DST: variants seen among roughly 807,000 people sequenced by gnomAD.
DST encodes dystonin, also known as bullous pemphigoid antigen.
A neutral mutation model predicts 875.2 loss-of-function variants in DST; 253 were observed. The ratio of observed to expected loss-of-function variants is 0.29; its 90% CI spans 0.26 to 0.32. DST has a LOEUF of 0.32. Ranked by LOEUF, DST falls within the 10% of genes least tolerant of loss-of-function variation. DST has a pLI of 1.00. For synonymous variants in DST, 3,124 were observed against 3,197.1 expected (o/e 0.98, Z 0.77); for missense variants, 8,287 against 9,111.6 (o/e 0.91, Z 3.68).
intron 61 of DST, among the ~76,000 whole-genome samples, chr6:56,537,863 A>G (rs983683222): frequency 6.6e-6 from 1 of 152,230 alleles, no homozygotes; most frequent in Admixed American, 6.5e-5. Flanking sequence ...CATGGTACCT[A>G]GCATGTAATA....
chr6:56,630,785 CTTT>C (rs113335666), intron 30 of DST, among the ~76,000 whole-genome samples: 2 of 143,088 alleles, frequency 1.4e-5, no homozygotes. Flanking sequence ...TAATGTATTT[CTTT>C]TTTTTTTTTT....
At chr6:56,871,775 GT>G (rs372236624) in intron 3 of DST, 22 of 85,802 alleles carry the variant, frequency 2.6e-4, no homozygotes, top group South Asian at 7.7e-4. Context: ...ACAATTAAAA[GT>G]AAAAAAAAAA....
rs2097724599 is a variant in DST at position 56,568,745 on chromosome 6, C to T, written c.13879-150G>A. On this transcript the variant is annotated intron_variant, in intron 54 of 103. Coordinates refer to ENST00000680361, the MANE Select transcript of DST (RefSeq NM_001374736.1). ...TGAAAGAAAAAGGCACCTATTTGTT[C>T]CCACAGCCCAGGTGACTGTTATCTC... The T allele has an allele frequency of 1.9e-5, 13 of 679,716 alleles. No individual in the cohort carries two copies. The South Asian group carries it at 2.8e-4, about 15-fold the overall frequency. The allele number at this position is 679,716 out of a possible 1,614,324, so 42.1% of individuals were successfully genotyped here.
chr6:56,728,703 A>G (rs540226751), intron 5 of DST, among the ~76,000 whole-genome samples: 1 of 152,188 alleles, frequency 6.6e-6, no homozygotes, highest in African/African-American at 2.4e-5. Context: ...AAATAAACAA[A>G]TAAAGCAGGT....
In DST at chr6:56,473,910, T is replaced by C; in HGVS notation, c.21957A>G (p.Gln7319=). The change falls in exon 93 of 104, where the codon CAA becomes CAG. Residue 7319 remains glutamine (Q), a synonymous_variant. Coordinates refer to ENST00000680361, the MANE Select transcript of DST (RefSeq NM_001374736.1). ...CCTTATCCAAGACTGGAATATGGGA[T>C]TGTAATGAGGAAGGATCAGCAGCTC... is the stretch of plus-strand genomic sequence containing the variant. The part of the protein sequence containing the change: ...KRRAADPSSL[Q]SHIPVLDKGR... The C allele has an allele frequency of 2.5e-6, 4 of 1,597,602 alleles. No homozygotes were observed. Among genetic ancestry groups the C allele is most frequent in the Non-Finnish European group, 3.4e-6 (4 of 1,170,518 alleles).
Position 56,607,268 on chromosome 6 carries a change from T to C in DST, c.7360A>G (p.Thr2454Ala), listed in dbSNP as rs765197421. The change falls in exon 40 of 104, where the codon ACA becomes GCA. Residue 2454 changes from threonine (T) to alanine (A), a missense_variant. Thr to Ala is a moderately conservative substitution (Grantham distance 58). Coordinates refer to ENST00000680361, the MANE Select transcript of DST (RefSeq NM_001374736.1). ...LMHSQGSFND[T>A]HTPESNGNKC... Reference sequence around the variant, plus strand: ...TTTCCATTGCTCTCTGGGGTGTGTGTATCATTAAAACTTCCCTGACTGTGC... The same window carrying C: ...TTTCCATTGCTCTCTGGGGTGTGTGCATCATTAAAACTTCCCTGACTGTGC... The C allele has an allele frequency of 6.2e-7, 1 of 1,613,576 alleles. No individual in the cohort carries two copies. The highest frequency in any genetic ancestry group is 8.5e-7 in the Non-Finnish European group (1 of 1,179,654).
At chr6:56,497,668 A>C in intron 81 of DST, 161 bp from the exon 82 acceptor site, 1 of 987,524 alleles carries the variant, frequency 1.0e-6, no homozygotes, top group South Asian at 1.7e-5. Context: ...GCTCTAGTAG[A>C]TAAGAGTATT....
rs564324284 is a variant in DST, at chr6:56,791,603, T to C, written c.626-56314A>G. 3.3e-5 allele frequency among the ~76,000 whole-genome samples: 5 copies of C among 151,862 alleles called. No individual in the cohort carries two copies. In the South Asian group the frequency reaches 1.0e-3, roughly 32 times the overall value. Reference sequence around the variant, plus strand: ...AAGTTCGAGACCAGCCTACGCAACATAGGAAGATCCCGTCTCTACAAATAA... The same window carrying C: ...AAGTTCGAGACCAGCCTACGCAACACAGGAAGATCCCGTCTCTACAAATAA... On this transcript the variant is annotated intron_variant, in intron 4 of 103. Transcript: ENST00000680361.
At chr6:56,682,816 C>G (rs1338330209) in intron 9 of DST, among the ~76,000 whole-genome samples, 1 of 152,096 alleles carries the variant, frequency 6.6e-6, no homozygotes, top group Non-Finnish European at 1.5e-5. Context: ...CAATGTGAGC[C>G]ACAGTCTCAA....
At chr6:56,929,052 T>A (rs569741965) in intron 2 of DST, among the ~76,000 whole-genome samples, 1 of 152,112 alleles carries the variant, frequency 6.6e-6, no homozygotes, top group Non-Finnish European at 1.5e-5. Flanking sequence ...AATTCTAATA[T>A]TCACATAGGA....
At chr6:56,788,174 T>G (rs1590377743) in intron 4 of DST, among the ~76,000 whole-genome samples, 1 of 147,748 alleles carries the variant, frequency 6.8e-6, no homozygotes, top group African/African-American at 2.5e-5. Context: ...TGAAAACATT[T>G]AATTATAGCA....
At chr6:56,941,729 C>T (rs947224549) in intron 2 of DST, among the ~76,000 whole-genome samples, 10 of 152,176 alleles carry the variant, frequency 6.6e-5, no homozygotes, top group Non-Finnish European at 1.5e-4. Flanking sequence ...GATCCTACTA[C>T]CTCGGCCTCC....
chr6:56,483,746 C>T (rs1193216259), intron 88 of DST: 1 of 151,708 alleles, frequency 6.6e-6, no homozygotes, highest in Admixed American at 6.6e-5. Context: ...AAAAAATCAT[C>T]ATAAATGAAT....
intron 3 of DST, among the ~76,000 whole-genome samples, chr6:56,858,020 C>A (rs888460307): frequency 6.6e-6 from 1 of 152,152 alleles, no homozygotes; most frequent in Non-Finnish European, 1.5e-5. Context: ...GGTATGAAAT[C>A]TTTTATCAAA....
chr6:56,669,370 G>A lies in DST; in HGVS notation c.1214+1271C>T, dbSNP rs181660672. On this transcript the variant is annotated intron_variant, in intron 10 of 103. Transcript: ENST00000680361. ...TAGCACTTTGGGAGGCCAAGGTGAG[G>A]GGATCACCTGAGGTCAGGAGTTCAA... Among the ~76,000 whole-genome samples, 11 of 151,054 alleles carry A rather than the reference G, an allele frequency of 7.3e-5. No individual in the cohort carries two copies. The East Asian group carries it at 1.9e-3, about 27-fold the overall frequency.
intron 88 of DST, among the ~76,000 whole-genome samples, 192 bp from the exon 89 acceptor site, chr6:56,483,069 A>C (rs2095449838): frequency 1.3e-5 from 2 of 152,260 alleles, no homozygotes; most frequent in Non-Finnish European, 1.5e-5. Flanking sequence ...CATCAAGAAG[A>C]GTCTTGTATA....
chr6:56,939,382 G>T (rs544913229), intron 2 of DST, among the ~76,000 whole-genome samples: 4 of 152,314 alleles, frequency 2.6e-5, no homozygotes, highest in African/African-American at 9.6e-5. Flanking sequence ...ACAGAAGCAG[G>T]TATGATCAGA....
chr6:56,575,085 C>T (rs2097844693), intron 50 of DST, among the ~76,000 whole-genome samples: 2 of 152,084 alleles, frequency 1.3e-5, no homozygotes. Flanking sequence ...CTCAATGAAG[C>T]CCATCAGCAT....
intron 4 of DST, among the ~76,000 whole-genome samples, chr6:56,809,769 C>T (rs1477047441): frequency 6.6e-6 from 1 of 152,102 alleles, no homozygotes; most frequent in African/African-American, 2.4e-5. Context: ...AGAAAAGAAA[C>T]TGATATATTT....
Sources: allele counts gnomAD v4.1 joint callset (sites outside exome capture counted in the v4.1 genomes callset), GRCh38; gene constraint gnomAD v4.1.1; transcripts MANE v1.5; gene names NCBI Gene and HGNC (gene_info 2026-07-23, HGNC 2026-07-21).